Variants in NPC1 observed in about 807,000 individuals in gnomAD.
NPC1 encodes Niemann-Pick C1 protein.
In NPC1, 85 loss-of-function variants were observed where a neutral mutation model predicts 140.4. That is an observed-to-expected ratio of 0.61 (90% confidence interval 0.51 to 0.72). The LOEUF is 0.72. NPC1 is among the 30% of genes least tolerant of loss of function. The probability of loss-of-function intolerance (pLI) is 0.00; values close to 1 mark genes in which losing one functional copy is unlikely to be tolerated. For missense variants in NPC1, 1,504 were observed against 1,623.8 expected, an observed-to-expected ratio of 0.93 and a Z score of 1.27; for synonymous variants, 656 against 624.8, an observed-to-expected ratio of 1.05 and a Z score of -0.74.
downstream of NPC1, chr18:23,530,097 C>T (rs746379225): frequency 6.2e-7 from 1 of 1,614,230 alleles, no homozygotes; most frequent in Non-Finnish European, 8.5e-7. Context: ...GCATCAGTTC[C>T]TGCAGTACCA....
chr18:23,573,722 T>A (rs1370991484), intron 1 of NPC1, 148 bp from the exon 2 acceptor site: 9 of 907,972 alleles, frequency 9.9e-6, no homozygotes, highest in Non-Finnish European at 1.6e-5. Context: ...TTTTGAAAAA[T>A]ATTAATTAAA....
intron 3 of NPC1, among the ~76,000 whole-genome samples, chr18:23,571,108 G>A (rs916356492): frequency 1.3e-5 from 2 of 152,158 alleles, no homozygotes; most frequent in African/African-American, 2.4e-5. Flanking sequence ...GAACATCGCA[G>A]AGGAAACCAA....
chr18:23,508,328 C>G (rs1291736140), intron 3 of NPC1, among the ~76,000 whole-genome samples: 1 of 152,206 alleles, frequency 6.6e-6, no homozygotes, highest in Non-Finnish European at 1.5e-5. Flanking sequence ...CCTTTTTCTC[C>G]TCACTGGGCT....
At chr18:23,520,402 G>A, downstream of NPC1, 2 of 1,054,178 alleles carry the variant, frequency 1.9e-6, no homozygotes, top group South Asian at 1.4e-5. Context: ...CGTTAAAAGT[G>A]GAGTGAGGAA....
Position 23,548,121 on chromosome 18 carries a change from A to T in NPC1, c.1655-13T>A. ...TTGTAGTTTTGATCTAGAAAGGAAA[A>T]ATGTGACATCAAAAAGCAGATTACA... On this transcript the variant is annotated splice_polypyrimidine_tract_variant and intron_variant, in intron 10 of 24. Transcript: ENST00000269228. 1 of 1,505,626 alleles carries T rather than the reference A, an allele frequency of 6.6e-7. No homozygotes were observed. Among genetic ancestry groups the T allele is most frequent in the Non-Finnish European group, 9.2e-7 (1 of 1,081,918 alleles). The allele number at this position is 1,505,626 out of a possible 1,614,324, so 93.3% of individuals were successfully genotyped here. A position where few individuals can be genotyped will look rare whatever the true frequency, so the allele number is the denominator to read the frequency against.
At chr18:23,519,316 G>A (rs1183011269), downstream of NPC1, 2 of 689,310 alleles carry the variant, frequency 2.9e-6, no homozygotes, top group Non-Finnish European at 4.9e-6. Flanking sequence ...CCAGGAGTTC[G>A]AGACCAGCCT....
chr18:23,506,385 T>G (rs1051904889), exon 4 of NPC1: 1 of 152,014 alleles, frequency 6.6e-6, no homozygotes, highest in African/African-American at 2.4e-5. Context: ...TTTAAATGAA[T>G]TTTTAATTTA....
intron 1 of NPC1, among the ~76,000 whole-genome samples, chr18:23,584,424 G>C (rs764182526): frequency 6.6e-6 from 1 of 152,140 alleles, no homozygotes; most frequent in Non-Finnish European, 1.5e-5. Context: ...TTCCAGTTAA[G>C]GTTTACAGAC....
At chr18:23,517,380 C>A (rs1249198290), downstream of NPC1, among the ~76,000 whole-genome samples, 2 of 152,062 alleles carry the variant, frequency 1.3e-5, no homozygotes, top group Non-Finnish European at 2.9e-5. Context: ...GGTCTCTTGA[C>A]CTCTTGATCT....
rs904005729 is a variant in NPC1, at chr18:23,556,301, T to C, written c.1268A>G (p.Tyr423Cys). 2.5e-6 allele frequency: 4 copies of C among 1,613,726 alleles called. No individual in the cohort carries two copies. The highest frequency in any genetic ancestry group is 3.4e-6 in the Non-Finnish European group (4 of 1,179,982). The change falls in exon 8 of 25, where the codon TAC becomes TGC. Residue 423 changes from tyrosine (Y) to cysteine (C), a missense_variant. By Grantham distance (194) the Tyr-to-Cys change is radical. Coordinates refer to ENST00000269228, the MANE Select transcript of NPC1 (RefSeq NM_000271.5). ...PLTDKHIYQP[Y>C]PSGADVPFGP... Reference sequence around the variant, plus strand: ...AAAGGGTACATCAGCTCCCGAAGGGTATGGCTGGTAAATGTGTTTGTCAGT... The same window carrying C: ...AAAGGGTACATCAGCTCCCGAAGGGCATGGCTGGTAAATGTGTTTGTCAGT...
rs773573065 is a variant in NPC1 at position 23,541,302 on chromosome 18, T to C, written c.2373+4A>G. The C allele has an allele frequency of 4.3e-6, 7 of 1,614,086 alleles. No individual in the cohort carries two copies. Among genetic ancestry groups the C allele is most frequent in the Non-Finnish European group, 4.2e-6 (5 of 1,180,050 alleles). ...AATAGACTATAATCCTGGCACCAAC[T>C]TACCTCTTGACGTTTAATGTCTAAC... On this transcript the variant is annotated splice_donor_region_variant and intron_variant, in intron 15 of 24. Transcript: ENST00000269228.
In NPC1 at chr18:23,561,465, G is replaced by A; in HGVS notation, c.526C>T (p.Leu176=). ...PSSNDKALGL[L]CGKDADACNA... Reference sequence around the variant, plus strand: ...CAGGCGTCAGCGTCCTTCCCACACAGGAGTCCCAGGGCCTTGTCATTACTT... The same window carrying A: ...CAGGCGTCAGCGTCCTTCCCACACAAGAGTCCCAGGGCCTTGTCATTACTT... Residue 176 remains leucine (L), a synonymous_variant, in exon 5 of 25, where the codon CTG becomes TTG. Transcript: ENST00000269228. The A allele has an allele frequency of 6.2e-7, 1 of 1,614,138 alleles. No homozygotes were observed.
downstream of NPC1, chr18:23,529,260 G>A (rs2058408842): frequency 1.4e-5 from 23 of 1,614,000 alleles, no homozygotes; most frequent in Non-Finnish European, 1.9e-5. Context: ...CCAGTCAGAT[G>A]TGTACACCCA....
At chr18:23,534,133 G>T (rs1476954697) in intron 23 of NPC1, 7 of 496,338 alleles carry the variant, frequency 1.4e-5, no homozygotes, top group Middle Eastern at 5.7e-4. Flanking sequence ...GGCACCAACC[G>T]CACATCACAC....
chr18:23,572,139 A>G lies in NPC1; in HGVS notation c.222T>C (p.Cys74=), dbSNP rs779329099. The change falls in exon 3 of 25, where the codon TGT becomes TGC. Residue 74 remains cysteine (C), a synonymous_variant. Coordinates refer to ENST00000269228, the MANE Select transcript of NPC1 (RefSeq NM_000271.5). The part of the protein sequence containing the change: ...PGFFFGNVSL[C]CDVRQLQTLK... ...GTGTCTGAAGCTGCCGAACATCACAACAGAGACTGACATTGCCAAAGAAGA... is the reference window on the plus strand; with the variant it reads ...GTGTCTGAAGCTGCCGAACATCACAGCAGAGACTGACATTGCCAAAGAAGA... The G allele has an allele frequency of 1.9e-6, 3 of 1,613,546 alleles. No homozygotes were observed. Among genetic ancestry groups the G allele is most frequent in the Admixed American group, 1.7e-5 (1 of 59,986 alleles).
In NPC1 at chr18:23,584,459, T is replaced by C. The variant is rs552711220; in HGVS notation, c.57+1828A>G. On this transcript the variant is annotated intron_variant, in intron 1 of 24. Coordinates refer to ENST00000269228, the MANE Select transcript of NPC1 (RefSeq NM_000271.5). ...CCTTGAAAAGGCCTCCAGGCATTTT[T>C]GCAAGAGACTTACAACAAACCTCTG... 4.6e-5 allele frequency among the ~76,000 whole-genome samples: 7 copies of C among 152,316 alleles called. 1 individual carries two copies. The highest frequency in any genetic ancestry group is 1.7e-4 in the African/African-American group (7 of 41,572).
chr18:23,557,261 G>T, intron 6 of NPC1, 71 bp from the exon 7 acceptor site: 1 of 1,135,348 alleles, frequency 8.8e-7, no homozygotes, highest in Non-Finnish European at 1.3e-6. Flanking sequence ...GGACATTCCT[G>T]TAATCCCATG....
chr18:23,511,553 T>A (rs1261152478), intron 3 of NPC1, among the ~76,000 whole-genome samples: 1 of 152,120 alleles, frequency 6.6e-6, no homozygotes, highest in African/African-American at 2.4e-5. Flanking sequence ...GATAAATAAT[T>A]ATTATGAACA....
At chr18:23,530,173 T>C (rs1323913823), downstream of NPC1, 2 of 1,613,962 alleles carry the variant, frequency 1.2e-6, no homozygotes, top group Non-Finnish European at 1.7e-6. Flanking sequence ...TGGTTAAAAA[T>C]GGAAAATTTT....
Sources: allele counts gnomAD v4.1 joint callset (sites outside exome capture counted in the v4.1 genomes callset), GRCh38; gene constraint gnomAD v4.1.1; transcripts MANE v1.5; gene names NCBI Gene and HGNC (gene_info 2026-07-23, HGNC 2026-07-21).